MAP4: variants seen among roughly 807,000 people sequenced by gnomAD.
MAP4 encodes the protein microtubule associated protein 4, also known as microtubule-associated protein 4.
Under a neutral mutation model 170.2 loss-of-function variants are expected in MAP4, and 76 were observed. The ratio of observed to expected loss-of-function variants is 0.45; its 90% CI spans 0.37 to 0.54. The LOEUF (loss-of-function observed/expected upper bound fraction) is 0.54. Among genes scored for constraint, MAP4 ranks in the 20% least tolerant of loss-of-function variants. MAP4 has a pLI of 0.00. For missense variants in MAP4, 2,506 were observed against 2,748.0 expected (o/e 0.91, Z 1.97); for synonymous variants, 909 against 994.5 (o/e 0.91, Z 1.62).
At chr3:48,012,620 A>G (rs894920370) in intron 1 of MAP4, among the ~76,000 whole-genome samples, 2 of 152,126 alleles carry the variant, frequency 1.3e-5, no homozygotes, top group East Asian at 1.9e-4. Context: ...GCTTTTATCC[A>G]TTGTAATCTT....
At chr3:47,973,779 A>C in intron 3 of MAP4, 1 of 985,460 alleles carries the variant, frequency 1.0e-6, no homozygotes, top group African/African-American at 1.7e-5. Flanking sequence ...TTTTGAAAAG[A>C]TCCCTGGCGA....
At chr3:48,007,357 G>C (rs1159762614) in intron 1 of MAP4, among the ~76,000 whole-genome samples, 1 of 152,200 alleles carries the variant, frequency 6.6e-6, no homozygotes, top group African/African-American at 2.4e-5. Context: ...ACAATGCCTA[G>C]TGGGCATATT....
intron 6 of MAP4, among the ~76,000 whole-genome samples, chr3:47,918,489 T>C (rs536636906): frequency 2.0e-4 from 30 of 151,982 alleles, no homozygotes; most frequent in Non-Finnish European, 2.9e-4. Flanking sequence ...GAAAAAAATA[T>C]ATATATGTTA....
intron 8 of MAP4, among the ~76,000 whole-genome samples, chr3:47,913,101 G>A (rs2100036790): frequency 1.3e-5 from 2 of 152,122 alleles, no homozygotes. Flanking sequence ...CTTCCCAAAA[G>A]ACAGAGAAAT....
chr3:48,022,402 G>A lies in MAP4; in HGVS notation c.-19-23523C>T, dbSNP rs529336829. Among the ~76,000 whole-genome samples the A allele has an allele frequency of 2.0e-5, 3 of 152,074 alleles. No homozygotes were observed. In the South Asian group the frequency reaches 6.2e-4, roughly 32 times the overall value. ...GGCAAGGTGGCAAGAAGGGAGGGAG[G>A]GAAATTCCCCTCAGCAGTACTTACC... is the stretch of plus-strand genomic sequence containing the variant. On this transcript the variant is annotated intron_variant, in intron 1 of 18. Transcript: ENST00000360240.
intron 1 of MAP4, among the ~76,000 whole-genome samples, chr3:48,062,494 T>TAAAAAAA (rs1156947592): frequency 2.8e-3 from 227 of 81,220 alleles, no homozygotes; most frequent in African/African-American, 3.9e-3. Context: ...GAATGATCAA[T>TAAAAAAA]AAAAAAAAAA....
At chr3:48,005,526 C>T (rs1226851612) in intron 1 of MAP4, among the ~76,000 whole-genome samples, 1 of 152,118 alleles carries the variant, frequency 6.6e-6, no homozygotes, top group Non-Finnish European at 1.5e-5. Flanking sequence ...TTTAATGTTG[C>T]AGCTCGGGGA....
rs7640619 is a variant in MAP4, at chr3:47,909,744, C to T, written c.4677G>A (p.Ala1559=). The change falls in exon 9 of 21, where the codon GCG becomes GCA. Residue 1559 remains alanine (A), a synonymous_variant. Transcript: ENST00000683076. ...TGACTTTCTCTACTGAATGCTTAGACGCACCACTGTGCACTGACTCAGATT... is the reference window on the plus strand; with the variant it reads ...TGACTTTCTCTACTGAATGCTTAGATGCACCACTGTGCACTGACTCAGATT... ...IGESESVHSG[A]SKHSVEKVTE... 5.0e-4 allele frequency: 809 copies of T among 1,613,996 alleles called. 4 individuals carry two copies. The African/African-American group carries it at 8.3e-3, about 17-fold the overall frequency.
chr3:47,918,076 G>A (rs1024261570), intron 6 of MAP4, among the ~76,000 whole-genome samples: 3 of 152,132 alleles, frequency 2.0e-5, no homozygotes, highest in South Asian at 2.1e-4. Context: ...TCTGCCTTCC[G>A]GTTTCAAGTG....
chr3:48,066,308 T>C (rs1449636409), intron 1 of MAP4, among the ~76,000 whole-genome samples: 1 of 152,176 alleles, frequency 6.6e-6, no homozygotes, highest in African/African-American at 2.4e-5. Context: ...AAACTCACTA[T>C]CTTATAAGAA....
intron 1 of MAP4, among the ~76,000 whole-genome samples, chr3:48,057,371 C>T (rs1282174563): frequency 7.4e-6 from 1 of 134,638 alleles, no homozygotes; most frequent in Admixed American, 7.7e-5. Flanking sequence ...GGATTAAGGG[C>T]GGTGCAAGAT....
chr3:47,921,164 G>A (rs1262859543), intron 5 of MAP4, among the ~76,000 whole-genome samples: 8 of 152,078 alleles, frequency 5.3e-5, no homozygotes, highest in Non-Finnish European at 1.0e-4. Context: ...AAGGGGAGAT[G>A]ACAGCCCAAC....
intron 3 of MAP4, among the ~76,000 whole-genome samples, chr3:47,957,917 G>A (rs892944958): frequency 6.6e-6 from 1 of 152,196 alleles, no homozygotes; most frequent in Non-Finnish European, 1.5e-5. Context: ...ATTATATCTA[G>A]CAATCACTGA....
intron 3 of MAP4, among the ~76,000 whole-genome samples, chr3:47,935,446 G>C (rs1450759224): frequency 2.6e-5 from 4 of 152,036 alleles, no homozygotes; most frequent in Non-Finnish European, 5.9e-5. Context: ...AGTTTCAAAG[G>C]CCAAATAGAA....
chr3:48,024,475 T>G (rs1272100108), intron 1 of MAP4, among the ~76,000 whole-genome samples: 5 of 152,188 alleles, frequency 3.3e-5, no homozygotes, highest in Non-Finnish European at 5.9e-5. Context: ...CAGTGCAATG[T>G]GAGCTGAAGA....
chr3:47,858,614 T>TGTGCGC (rs1491506129), intron 17 of MAP4, among the ~76,000 whole-genome samples: 6 of 138,410 alleles, frequency 4.3e-5, no homozygotes, highest in African/African-American at 1.7e-4. Flanking sequence ...TGTGTGTGTG[T>TGTGCGC]GCGCGTTGTG....
intron 1 of MAP4, among the ~76,000 whole-genome samples, chr3:48,032,869 T>TA (rs1467330795): frequency 2.0e-5 from 3 of 152,192 alleles, no homozygotes; most frequent in Admixed American, 1.3e-4. Context: ...CTTCAAATCT[T>TA]AAAGTTCTAC....
rs2100034901 is a variant in MAP4, at chr3:47,909,577, T to A, written c.4844A>T (p.Glu1615Val). The A allele has an allele frequency of 6.2e-7, 1 of 1,612,806 alleles. No homozygotes were observed. Among genetic ancestry groups the A allele is most frequent in the Middle Eastern group, 1.6e-4 (1 of 6,062 alleles). The change falls in exon 9 of 21, where the codon GAA (glutamate) becomes GTA (valine). Residue 1615 changes from glutamate (E) to valine (V), a missense_variant. This residue lies in a region of MAP4 where 2,008 missense variants were observed against 2,206.0 expected (regional missense o/e 0.91). Coordinates refer to ENST00000683076, the MANE Select transcript of MAP4 (RefSeq NM_001385682.1). ...AGGAATCTGAACTGCAACAGACCCT[T>A]CTTTAGTCTCTTTCTCTTCATTCAC... is the stretch of plus-strand genomic sequence containing the variant. ...HPVNEEKETK[E>V]GSVAVQIPDL...
chr3:47,951,324 C>T (rs2100063621), intron 3 of MAP4, among the ~76,000 whole-genome samples: 1 of 149,958 alleles, frequency 6.7e-6, no homozygotes, highest in Admixed American at 6.6e-5. Context: ...CCCTCTCCCT[C>T]TCCCTCCTCT....
Sources: gnomAD v4.1 joint callset for allele counts (sites outside exome capture counted in the v4.1 genomes callset) on GRCh38, gnomAD v4.1.1 for gene constraint, gnomAD v4.1.1 regional missense constraint, MANE v1.5 for transcripts, NCBI Gene and HGNC (gene_info 2026-07-23, HGNC 2026-07-21) for gene names.